Variants in CDC45 observed in about 807,000 individuals in gnomAD.
The protein encoded by CDC45 is cell division cycle 45.
A neutral mutation model predicts 77.8 loss-of-function variants in CDC45; 54 were observed. That is an observed-to-expected ratio of 0.69 (90% CI 0.56 to 0.87). The LOEUF (loss-of-function observed/expected upper bound fraction) is 0.87, where lower values mean the gene tolerates loss of function less well. Ranked by LOEUF, CDC45 falls within the 40% of genes least tolerant of loss-of-function variation. The pLI is 0.00. For missense variants in CDC45, 649 were observed against 721.6 expected, an observed-to-expected ratio of 0.90 and a Z score of 1.15; for synonymous variants, 260 against 272.1, an observed-to-expected ratio of 0.96 and a Z score of 0.44.
intron 3 of CDC45, among the ~76,000 whole-genome samples, chr22:19,482,365 C>T (rs1027734225): frequency 5.9e-5 from 9 of 152,280 alleles, no homozygotes; most frequent in Non-Finnish European, 1.2e-4. Flanking sequence ...CAGCATAGTA[C>T]TGTGAGGTCT....
intron 13 of CDC45, among the ~76,000 whole-genome samples, chr22:19,513,504 T>C (rs1445541204): frequency 6.6e-6 from 1 of 152,198 alleles, no homozygotes; most frequent in Non-Finnish European, 1.5e-5. Context: ...TCCAGCTGTT[T>C]TTCTGTGAGC....
rs142288851 is a variant in CDC45, at chr22:19,493,933, C to T, written c.487-394C>T. On this transcript the variant is annotated intron_variant, in intron 5 of 18. Transcript: ENST00000263201. ...CCTGTAACATTAGAATAGTTCCTAACGCATGGTAGAATATAAGAAATGTTA... is the reference window on the plus strand; with the variant it reads ...CCTGTAACATTAGAATAGTTCCTAATGCATGGTAGAATATAAGAAATGTTA... Among the ~76,000 whole-genome samples, 161 of 152,272 alleles carry T rather than the reference C, an allele frequency of 1.1e-3. 1 individual carries two copies. The highest frequency in any genetic ancestry group is 3.7e-3 in the African/African-American group (155 of 41,536).
chr22:19,489,681 C>A (rs1601934299), intron 5 of CDC45, among the ~76,000 whole-genome samples: 1 of 152,178 alleles, frequency 6.6e-6, no homozygotes, highest in African/African-American at 2.4e-5. Flanking sequence ...TTTCTGCGTG[C>A]TAGCCATAAA....
intron 8 of CDC45, 24 bp downstream of exon 8, chr22:19,497,471 T>G: frequency 6.2e-7 from 1 of 1,607,114 alleles, no homozygotes; most frequent in South Asian, 1.1e-5. Context: ...GCGGCAGCTG[T>G]GTGGGAGTAT....
intron 5 of CDC45, among the ~76,000 whole-genome samples, chr22:19,488,242 C>G: frequency 6.6e-6 from 1 of 152,242 alleles, no homozygotes; most frequent in Non-Finnish European, 1.5e-5. Flanking sequence ...ACTCCAGAAC[C>G]TAGCAGCTTA....
At chr22:19,493,227 G>GT (rs368497589) in intron 5 of CDC45, among the ~76,000 whole-genome samples, 37,121 of 136,190 alleles carry the variant, frequency 0.27, 6,417 homozygotes, top group African/African-American at 0.52. Context: ...GCTTTTGTGG[G>GT]TTTTTTTTTT....
chr22:19,493,757 A>G (rs1226485251), intron 5 of CDC45, among the ~76,000 whole-genome samples: 2 of 152,130 alleles, frequency 1.3e-5, no homozygotes, highest in African/African-American at 4.8e-5. Context: ...TGTTTGATCT[A>G]TGATGTCGAA....
At chr22:19,507,927 T>C in intron 12 of CDC45, 63 bp downstream of exon 12, 1 of 1,118,756 alleles carries the variant, frequency 8.9e-7, no homozygotes, top group Non-Finnish European at 1.3e-6. Flanking sequence ...TGAAGGGTTC[T>C]ACTTTAACTG....
upstream of CDC45, chr22:19,479,497 G>T: frequency 3.4e-6 from 2 of 588,516 alleles, no homozygotes; most frequent in South Asian, 1.5e-5. Context: ...TCGAGGACTC[G>T]GGCGGAACTA....
rs1933726743 is a variant in CDC45 at position 19,515,344 on chromosome 22, C to T, written c.1440+296C>T. On this transcript the variant is annotated intron_variant, in intron 15 of 18. Transcript: ENST00000263201. ...TCCTATTGTTGCAGGTCAGGGAAAG[C>T]GGGATGGTTGTAGCACCGACTGGCT... Among the ~76,000 whole-genome samples the T allele has an allele frequency of 1.3e-5, 2 of 152,160 alleles. No individual in the cohort carries two copies. The highest frequency in any genetic ancestry group is 2.9e-5 in the Non-Finnish European group (2 of 68,036).
intron 10 of CDC45, among the ~76,000 whole-genome samples, chr22:19,506,288 ACTC>A (rs1568929984): frequency 6.6e-6 from 1 of 151,692 alleles, no homozygotes; most frequent in Non-Finnish European, 1.5e-5. Context: ...AGCTGGCTGA[ACTC>A]CTGGGGAGGG....
chr22:19,507,710 C>A, intron 11 of CDC45, 56 bp from the exon 12 acceptor site: 1 of 1,444,800 alleles, frequency 6.9e-7, no homozygotes, highest in Non-Finnish European at 9.5e-7. Flanking sequence ...GGGTTTCTTT[C>A]CACCCTGTCG....
chr22:19,491,832 CTTT>C (rs987000040), intron 5 of CDC45, among the ~76,000 whole-genome samples: 1 of 145,306 alleles, frequency 6.9e-6, no homozygotes, highest in East Asian at 2.0e-4. Flanking sequence ...AGGTTTATGT[CTTT>C]TTTTTTTTTG....
At chr22:19,487,310 A>T (rs1238012537) in intron 5 of CDC45, among the ~76,000 whole-genome samples, 1 of 151,268 alleles carries the variant, frequency 6.6e-6, no homozygotes, top group Non-Finnish European at 1.5e-5. Context: ...AAAAAAAAAA[A>T]AGAAATATTT....
At chr22:19,490,690 C>A (rs941689038) in intron 5 of CDC45, among the ~76,000 whole-genome samples, 1 of 151,718 alleles carries the variant, frequency 6.6e-6, no homozygotes, top group African/African-American at 2.4e-5. Flanking sequence ...TTTTTCTTTC[C>A]TCTAGTGTTT....
rs546580699 is a variant in CDC45 at position 19,509,155 on chromosome 22, A to G, written c.1217+464A>G. On this transcript the variant is annotated intron_variant, in intron 13 of 18. Transcript: ENST00000263201. ...TTTTTTAGCATGTCTGTCTAGTGTCAGACTAAAGACATCAGAGAAAAATAT... is the reference window on the plus strand; with the variant it reads ...TTTTTTAGCATGTCTGTCTAGTGTCGGACTAAAGACATCAGAGAAAAATAT... 2.6e-5 allele frequency among the ~76,000 whole-genome samples: 4 copies of G among 152,292 alleles called. No homozygotes were observed. In the South Asian group the frequency reaches 8.3e-4, roughly 32 times the overall value.
At chr22:19,498,414 C>G (rs2146380769) in intron 8 of CDC45, among the ~76,000 whole-genome samples, 1 of 152,368 alleles carries the variant, frequency 6.6e-6, no homozygotes, top group African/African-American at 2.4e-5. Flanking sequence ...CATCCCTCCT[C>G]TGAGTCCGCT....
chr22:19,501,167 A>C (rs974962502), intron 9 of CDC45, among the ~76,000 whole-genome samples: 4 of 152,106 alleles, frequency 2.6e-5, no homozygotes, highest in Non-Finnish European at 5.9e-5. Flanking sequence ...GCAACAGAAC[A>C]AGACTCCGTC....
rs1216912669 is a variant in CDC45 at position 19,514,890 on chromosome 22, C to A, written c.1356+3C>A. 7 of 1,614,108 alleles carry A rather than the reference C, an allele frequency of 4.3e-6. No homozygotes were observed. Among genetic ancestry groups the A allele is most frequent in the Non-Finnish European group, 5.9e-6 (7 of 1,180,056 alleles). ...TCCTGTACTGCTCTCTCATGGAGGT[C>A]AGGCTTCCCACAGAGCACAGGCGCC... is the stretch of plus-strand genomic sequence containing the variant. On this transcript the variant is annotated splice_donor_region_variant and intron_variant, in intron 14 of 18. Coordinates refer to ENST00000263201, the MANE Select transcript of CDC45 (RefSeq NM_003504.5).
Sources: gnomAD v4.1 joint callset for allele counts (sites outside exome capture counted in the v4.1 genomes callset) on GRCh38, gnomAD v4.1.1 for gene constraint, MANE v1.5 for transcripts, NCBI Gene and HGNC (gene_info 2026-07-23, HGNC 2026-07-21) for gene names.